Variants in DPP6 observed in about 807,000 individuals in gnomAD.
The protein encoded by DPP6 is A-type potassium channel modulatory protein DPP6.
Under a neutral mutation model 122.6 loss-of-function variants are expected in DPP6, and 69 were observed. That is an observed-to-expected ratio of 0.56 (90% CI 0.46 to 0.69). The LOEUF (loss-of-function observed/expected upper bound fraction) is 0.69, where lower values mean the gene tolerates loss of function less well. Ranked by LOEUF, DPP6 falls within the 30% of genes least tolerant of loss-of-function variation. The pLI is 0.00. For synonymous variants in DPP6, 418 were observed against 433.1 expected (o/e 0.97, Z 0.43); for missense variants, 928 against 1,116.9 (o/e 0.83, Z 2.41).
chr7:153,897,034 A>G (rs1336576353), intron 1 of DPP6, among the ~76,000 whole-genome samples: 4 of 152,132 alleles, frequency 2.6e-5, no homozygotes, highest in African/African-American at 7.2e-5. Context: ...AAACTTAATT[A>G]TATTGATAAC....
intron 17 of DPP6, among the ~76,000 whole-genome samples, chr7:154,860,999 TAAAAG>T: frequency 6.6e-6 from 1 of 152,210 alleles, no homozygotes; most frequent in Admixed American, 6.5e-5. Context: ...AAGTAAATGT[TAAAAG>T]AAAAAAAATT....
chr7:153,940,568 G>C (rs886962875), intron 1 of DPP6, among the ~76,000 whole-genome samples: 3 of 152,144 alleles, frequency 2.0e-5, no homozygotes, highest in African/African-American at 7.2e-5. Context: ...ATGACACACA[G>C]AAACGGGGAT....
intron 21 of DPP6, among the ~76,000 whole-genome samples, chr7:154,883,295 C>G (rs1167001759): frequency 6.8e-6 from 1 of 147,472 alleles, no homozygotes; most frequent in African/African-American, 2.5e-5. Context: ...CATACACACA[C>G]ATGCTCACCC....
intron 16 of DPP6, among the ~76,000 whole-genome samples, chr7:154,814,969 C>T (rs1238709880): frequency 6.6e-6 from 1 of 152,158 alleles, no homozygotes; most frequent in Non-Finnish European, 1.5e-5. Context: ...GACCTCGTTT[C>T]CAAATAAGGT....
At chr7:154,381,466 T>G (rs1215870106) in intron 1 of DPP6, among the ~76,000 whole-genome samples, 1 of 152,182 alleles carries the variant, frequency 6.6e-6, no homozygotes, top group Non-Finnish European at 1.5e-5. Context: ...TGTATAGCTG[T>G]GTGAGAGGAT....
chr7:153,895,158 C>A (rs1799354297), intron 1 of DPP6, among the ~76,000 whole-genome samples: 1 of 152,126 alleles, frequency 6.6e-6, no homozygotes, highest in South Asian at 2.1e-4. Flanking sequence ...AAAAATTAAT[C>A]TTCTTGACTG....
intron 1 of DPP6, among the ~76,000 whole-genome samples, chr7:153,901,771 A>G (rs1411605429): frequency 6.6e-6 from 1 of 152,238 alleles, no homozygotes; most frequent in Non-Finnish European, 1.5e-5. Context: ...CTTTACAGAC[A>G]GCTTTATTTA....
At chr7:154,889,631 G>A (rs1392858690) in intron 25 of DPP6, 101 bp downstream of exon 25, 40 of 1,523,138 alleles carry the variant, frequency 2.6e-5, no homozygotes, top group Non-Finnish European at 3.1e-5. Context: ...CAGCAGACAC[G>A]CCTGTGCTGT....
intron 1 of DPP6, among the ~76,000 whole-genome samples, chr7:154,313,751 A>ACATACATACACC (rs147976247): frequency 4.4e-5 from 2 of 45,262 alleles, no homozygotes; most frequent in Non-Finnish European, 1.1e-4. Flanking sequence ...ACACACACAC[A>ACATACATACACC]CCCTTACATA....
At chr7:154,326,138 A>G (rs1808427562) in intron 1 of DPP6, among the ~76,000 whole-genome samples, 2 of 152,146 alleles carry the variant, frequency 1.3e-5, no homozygotes. Flanking sequence ...TGATCAATTA[A>G]CTCTTCAAAG....
intron 1 of DPP6, among the ~76,000 whole-genome samples, chr7:154,128,038 AGGGATGCCT>A (rs917714188): frequency 6.7e-5 from 10 of 149,988 alleles, no homozygotes; most frequent in Non-Finnish European, 1.2e-4. Flanking sequence ...GTCTCCACAG[AGGGATGCCT>A]GGCAACACAG....
intron 1 of DPP6, among the ~76,000 whole-genome samples, chr7:154,098,072 A>C (rs1805459760): frequency 6.6e-6 from 1 of 152,132 alleles, no homozygotes; most frequent in African/African-American, 2.4e-5. Context: ...TCCCCACCCA[A>C]ATCTCACCTT....
intron 7 of DPP6, among the ~76,000 whole-genome samples, chr7:154,701,155 G>A (rs143879235): frequency 7.2e-5 from 11 of 152,248 alleles, no homozygotes; most frequent in Non-Finnish European, 1.2e-4. Context: ...AGGTCAGGCC[G>A]CAAGAATTAA....
chr7:154,218,434 G>C (rs1265720652), intron 1 of DPP6, among the ~76,000 whole-genome samples: 2 of 152,148 alleles, frequency 1.3e-5, no homozygotes, highest in Admixed American at 1.3e-4. Flanking sequence ...CTCAGAGTTA[G>C]GTACCCTGCA....
the DPP6 span, among the ~76,000 whole-genome samples, chr7:153,758,949 GTTAAA>G: frequency 6.6e-6 from 1 of 152,196 alleles, no homozygotes; most frequent in Non-Finnish European, 1.5e-5. Context: ...TTAAGAAACT[GTTAAA>G]TTATTTTCCA....
intron 1 of DPP6, among the ~76,000 whole-genome samples, chr7:153,981,645 C>G (rs966267808): frequency 5.3e-5 from 8 of 152,130 alleles, no homozygotes; most frequent in African/African-American, 1.9e-4. Context: ...TGTCGATGGT[C>G]TTTACATTTT....
intron 1 of DPP6, among the ~76,000 whole-genome samples, chr7:153,937,370 C>G (rs915880251): frequency 1.3e-5 from 2 of 150,990 alleles, no homozygotes; most frequent in Admixed American, 1.3e-4. Context: ...AGCTCATCAT[C>G]ATTGAAGAAA....
the DPP6 span, among the ~76,000 whole-genome samples, chr7:153,763,699 G>T: frequency 6.6e-6 from 1 of 152,176 alleles, no homozygotes; most frequent in East Asian, 1.9e-4. Context: ...GCGTTTTGTG[G>T]CAATTGGAGT....
In DPP6 at chr7:154,892,740, C is replaced by T. The variant is rs780453006; in HGVS notation, c.*260C>T. 7 of 714,504 alleles carry T rather than the reference C, an allele frequency of 9.8e-6. No individual in the cohort carries two copies. Among genetic ancestry groups the T allele is most frequent in the African/African-American group, 3.5e-5 (2 of 57,450 alleles). The allele number at this position is 714,504 out of a possible 1,614,324, so 44.3% of individuals were successfully genotyped here. A position where few individuals can be genotyped will look rare whatever the true frequency, so the allele number is the denominator to read the frequency against. On this transcript the variant is annotated 3_prime_UTR_variant, in exon 26 of 26. Coordinates refer to ENST00000377770, the MANE Select transcript of DPP6 (RefSeq NM_130797.4). Reference sequence around the variant, plus strand: ...CCTCCCGGCGCCCGAGAGACCGGCACGCCACGGCCCCTCCCCCAAGGAACA... The same window carrying T: ...CCTCCCGGCGCCCGAGAGACCGGCATGCCACGGCCCCTCCCCCAAGGAACA...
Sources: allele counts gnomAD v4.1 joint callset (sites outside exome capture counted in the v4.1 genomes callset), GRCh38; gene constraint gnomAD v4.1.1; transcripts MANE v1.5; gene names NCBI Gene and HGNC (gene_info 2026-07-23, HGNC 2026-07-21).